The following HACL1 variants were observed in gnomAD, a reference collection of about 807,000 sequenced individuals.
HACL1 encodes 1600020H07Rik.
Under a neutral mutation model 74.2 loss-of-function variants are expected in HACL1, and 64 were observed. The ratio of observed to expected loss-of-function variants is 0.86; its 90% CI spans 0.70 to 1.06. HACL1 has a LOEUF of 1.06. Ranked by LOEUF, HACL1 falls within the 50% of genes least tolerant of loss-of-function variation. The probability of loss-of-function intolerance (pLI) is 0.00; values close to 1 mark genes in which losing one functional copy is unlikely to be tolerated. For missense variants in HACL1, 728 were observed against 719.7 expected (o/e 1.01, Z -0.13); for synonymous variants, 230 against 238.8 (o/e 0.96, Z 0.34).
chr3:15,589,426 G>A lies in HACL1; in HGVS notation c.381+114C>T, dbSNP rs2063851862. 3 of 628,088 alleles carry A rather than the reference G, an allele frequency of 4.8e-6. No homozygotes were observed. In the East Asian group the frequency reaches 8.4e-5, roughly 18 times the overall value. The allele number at this position is 628,088 out of a possible 1,614,324, so 38.9% of individuals were successfully genotyped here. A position where few individuals can be genotyped will look rare whatever the true frequency, so the allele number is the denominator to read the frequency against. On this transcript the variant is annotated intron_variant, in intron 5 of 16. Coordinates refer to ENST00000321169, the MANE Select transcript of HACL1 (RefSeq NM_012260.4). ...GTGGGAAGATTGCTTGAGGTCAGGAGGTCAAGACTGCAGTGAGCTGAGATG... is the reference window on the plus strand; with the variant it reads ...GTGGGAAGATTGCTTGAGGTCAGGAAGTCAAGACTGCAGTGAGCTGAGATG...
chr3:15,599,266 G>T (rs1462950929), intron 2 of HACL1, among the ~76,000 whole-genome samples: 1 of 152,176 alleles, frequency 6.6e-6, no homozygotes, highest in Non-Finnish European at 1.5e-5. Flanking sequence ...CACAGCACAT[G>T]GGACCTAAAG....
intron 9 of HACL1, among the ~76,000 whole-genome samples, chr3:15,577,632 A>T (rs761332078): frequency 2.0e-4 from 31 of 152,116 alleles, no homozygotes; most frequent in Admixed American, 3.3e-4. Flanking sequence ...TTCTACAAAA[A>T]ATACAAAAAT....
At chr3:15,595,694 C>T (rs2064048584) in intron 3 of HACL1, among the ~76,000 whole-genome samples, 2 of 150,374 alleles carry the variant, frequency 1.3e-5, no homozygotes, top group Admixed American at 1.3e-4. Context: ...ACTGCAACCT[C>T]CGCCTCCTGG....
At chr3:15,593,169 A>G (rs989792940) in intron 3 of HACL1, among the ~76,000 whole-genome samples, 14 of 150,006 alleles carry the variant, frequency 9.3e-5, no homozygotes, top group East Asian at 4.0e-4. Flanking sequence ...ATACGTATAT[A>G]TGTGTGTATA....
chr3:15,563,533 A>T lies in HACL1; in HGVS notation c.1529T>A (p.Met510Lys), dbSNP rs751383477. ...ATAATGTGAATTTGGCAGCAAACAC[A>T]TTGGAGGGACCCTGAAAAACAAGGT... ...FQDATAVVPP[M>K]CLLPNSHYEQ... Residue 510 changes from methionine (M) to lysine (K), a missense_variant, in exon 16 of 17, where the codon ATG (methionine) becomes AAG (lysine). Coordinates refer to ENST00000321169, the MANE Select transcript of HACL1 (RefSeq NM_012260.4). The T allele has an allele frequency of 6.2e-7, 1 of 1,604,566 alleles. No individual in the cohort carries two copies. The highest frequency in any genetic ancestry group is 1.1e-5 in the South Asian group (1 of 90,540).
chr3:15,564,737 T>C (rs1436612055), intron 14 of HACL1, 79 bp from the exon 15 acceptor site: 2 of 620,276 alleles, frequency 3.2e-6, no homozygotes, highest in African/African-American at 3.7e-5. Context: ...AACTTTAACT[T>C]AAAAATGAAT....
intron 14 of HACL1, 57 bp from the exon 15 acceptor site, chr3:15,564,715 T>G: frequency 4.1e-6 from 3 of 727,048 alleles, no homozygotes; most frequent in Non-Finnish European, 6.9e-6. Flanking sequence ...TAATTTCTTT[T>G]CTTTGGGTTG....
At chr3:15,563,580 T>C (rs1378653968) in intron 15 of HACL1, 36 bp from the exon 16 acceptor site, 3 of 1,348,116 alleles carry the variant, frequency 2.2e-6, no homozygotes, top group Non-Finnish European at 2.1e-6. Flanking sequence ...GAAATTTAAA[T>C]CTTAAACCTT....
chr3:15,571,528 T>C (rs1296122712), intron 12 of HACL1, 140 bp downstream of exon 12: 5 of 655,252 alleles, frequency 7.6e-6, no homozygotes, highest in Admixed American at 2.9e-5. Flanking sequence ...ACTAAATCCC[T>C]TTTTCCATGA....
rs2064082996 is a variant in HACL1 at position 15,597,225 on chromosome 3, GT to G, written c.187-802del. On this transcript the variant is annotated intron_variant, in intron 2 of 16. Transcript: ENST00000321169. ...TCAAATATTTACAAAATACCAAAAA[GT>G]ATGTTGCTTAATTTCCAAAGGTCTG... Among the ~76,000 whole-genome samples the G allele has an allele frequency of 2.6e-5, 4 of 152,206 alleles. No homozygotes were observed. The East Asian group carries it at 7.7e-4, about 29-fold the overall frequency.
In HACL1 at chr3:15,569,442, T is replaced by C. The variant is rs552864805; in HGVS notation, c.1096-856A>G. Among the ~76,000 whole-genome samples, 51 of 152,224 alleles carry C rather than the reference T, an allele frequency of 3.4e-4. 1 individual carries two copies. In the South Asian group the frequency reaches 1.0e-2, roughly 30 times the overall value. ...AGCTCACGCCTGTAATCCCAGCACT[T>C]TGGGAGGCCAAGGCGGGCGGATCAC... On this transcript the variant is annotated intron_variant, in intron 12 of 16. Coordinates refer to ENST00000321169, the MANE Select transcript of HACL1 (RefSeq NM_012260.4).
intron 14 of HACL1, among the ~76,000 whole-genome samples, chr3:15,567,295 C>T (rs548898270): frequency 6.7e-6 from 1 of 149,850 alleles, no homozygotes; most frequent in Non-Finnish European, 1.5e-5. Flanking sequence ...ACTGCAACCT[C>T]CACTTCCCAG....
intron 14 of HACL1, among the ~76,000 whole-genome samples, chr3:15,567,206 CTT>C (rs34317560): frequency 1.9e-3 from 158 of 81,114 alleles, no homozygotes; most frequent in South Asian, 0.012. Context: ...GCCATGCTGC[CTT>C]TTTTTTTTTT....
chr3:15,584,645 C>A (rs2125263458), intron 7 of HACL1, among the ~76,000 whole-genome samples: 1 of 152,252 alleles, frequency 6.6e-6, no homozygotes, highest in Middle Eastern at 3.4e-3. Flanking sequence ...CCCACTGACT[C>A]TCTGTAGTCA....
intron 8 of HACL1, among the ~76,000 whole-genome samples, chr3:15,580,907 G>T (rs769065835): frequency 6.6e-6 from 1 of 152,114 alleles, no homozygotes; most frequent in African/African-American, 2.4e-5. Context: ...TATCTTTTTT[G>T]TTGTTGTTGT....
intron 3 of HACL1, among the ~76,000 whole-genome samples, chr3:15,592,456 A>G (rs56651711): frequency 8.3e-6 from 1 of 120,652 alleles, no homozygotes; most frequent in African/African-American, 3.6e-5. Context: ...ACATACACAC[A>G]CGTATACATA....
chr3:15,564,873 G>C (rs6774663), intron 14 of HACL1, among the ~76,000 whole-genome samples: 11,770 of 152,160 alleles, frequency 0.077, 504 homozygotes, highest in African/African-American at 0.11. Context: ...AAGATTAAGA[G>C]TTGTTAGTCC....
chr3:15,586,530 CA>C lies in HACL1; in HGVS notation c.453del (p.Ile151MetfsTer5). 1 of 1,560,496 alleles carries C rather than the reference CA, an allele frequency of 6.4e-7. No individual in the cohort carries two copies. The highest frequency in any genetic ancestry group is 1.1e-5 in the South Asian group (1 of 89,258). On this transcript the variant is annotated frameshift_variant, in exon 6 of 17. Transcript: ENST00000321169. LOFTEE classifies it high-confidence loss of function. ...PSSIEAIPFV[I>X]EKAVRSSIYG... ...CTTGTTATTAAATACTGTACCTTTTCAATAACAAAAGGAATAGCTTCTATGC... is the reference window on the plus strand; with the variant it reads ...CTTGTTATTAAATACTGTACCTTTTCATAACAAAAGGAATAGCTTCTATGC...
chr3:15,568,820 C>T (rs923580852), intron 12 of HACL1, among the ~76,000 whole-genome samples: 4 of 152,156 alleles, frequency 2.6e-5, no homozygotes, highest in Non-Finnish European at 4.4e-5. Context: ...GGGAATATCC[C>T]GCCTCTTGGA....
Sources: allele counts gnomAD v4.1 joint callset (sites outside exome capture counted in the v4.1 genomes callset), GRCh38; gene constraint gnomAD v4.1.1; transcripts MANE v1.5; gene names NCBI Gene and HGNC (gene_info 2026-07-23, HGNC 2026-07-21).